The following SLC12A8 variants were observed in gnomAD, a reference collection of about 807,000 sequenced individuals.
SLC12A8 encodes cation-chloride cotransporter 9.
SLC12A8 carries 69 observed loss-of-function variants against 75.6 expected under a neutral mutation model. The observed-to-expected ratio is 0.91, with a 90% CI of 0.75 to 1.11. The LOEUF (loss-of-function observed/expected upper bound fraction) is 1.11. Among genes scored for constraint, SLC12A8 ranks in the 50% most tolerant of loss-of-function variants. SLC12A8 has a pLI of 0.00. For synonymous variants in SLC12A8, 365 were observed against 372.8 expected (o/e 0.98, Z 0.24); for missense variants, 877 against 896.7 (o/e 0.98, Z 0.28).
In SLC12A8 at chr3:125,118,824, A is replaced by G. The variant is rs1256689927; in HGVS notation, c.857T>C (p.Leu286Pro). The change falls in exon 8 of 14, where the codon CTG (leucine) becomes CCG (proline). Residue 286 changes from leucine (L) to proline (P), a missense_variant. Transcript: ENST00000469902. Reference sequence around the variant, plus strand: ...GGCCTCTCGAGTGCAGATGGCGCCCAGGAGGAAGACGAAGATGATGTACAG... The same window carrying G: ...GGCCTCTCGAGTGCAGATGGCGCCCGGGAGGAAGACGAAGATGATGTACAG... Reference protein sequence around the residue: ...WFLYIIFVFLLGAICTREALR... With the variant: ...WFLYIIFVFLPGAICTREALR... 2.4e-5 allele frequency: 39 copies of G among 1,613,744 alleles called. No individual in the cohort carries two copies. The highest frequency in any genetic ancestry group is 2.7e-5 in the Non-Finnish European group (32 of 1,179,868).
chr3:125,135,724 G>A lies in SLC12A8; in HGVS notation c.681C>T (p.Tyr227=). ...CAGTGAAAAAAGATTCCCCCGGGCT[G>A]TAATCGGGCAGCGTGTTGTTCTGTA... The part of the protein sequence containing the change: ...ELLQNNTLPD[Y]SPGESFFTVF... The change falls in exon 6 of 14, where the codon TAC becomes TAT. Residue 227 remains tyrosine, a synonymous_variant. Coordinates refer to ENST00000469902, the MANE Select transcript of SLC12A8 (RefSeq NM_024628.6). 3.1e-6 allele frequency: 5 copies of A among 1,610,756 alleles called. No individual in the cohort carries two copies. Among genetic ancestry groups the A allele is most frequent in the South Asian group, 1.1e-5 (1 of 90,418 alleles).
Position 125,211,378 on chromosome 3 carries a change from T to C in SLC12A8, c.-29A>G. ...CCAGCAAGCAGGGATCCTGGTGATCTGGACAGGGAGACTGCTCTGGAAGGT... is the reference window on the plus strand; with the variant it reads ...CCAGCAAGCAGGGATCCTGGTGATCCGGACAGGGAGACTGCTCTGGAAGGT... On this transcript the variant is annotated 5_prime_UTR_variant, in exon 2 of 14. Coordinates refer to ENST00000469902, the MANE Select transcript of SLC12A8 (RefSeq NM_024628.6). 6.2e-7 allele frequency: 1 copy of C among 1,604,046 alleles called. No individual in the cohort carries two copies. The highest frequency in any genetic ancestry group is 8.5e-7 in the Non-Finnish European group (1 of 1,171,258).
At position 125,203,885 on chromosome 3, in the gene SLC12A8, C is replaced by G. The variant is rs114329379; in HGVS notation, c.51+7414G>C. On this transcript the variant is annotated intron_variant, in intron 2 of 13. Coordinates refer to ENST00000469902, the MANE Select transcript of SLC12A8 (RefSeq NM_024628.6). ...CATACAAGGAACTCAAACAACTCAACAGCATAAAATGACTAATCCCATTAA... is the reference window on the plus strand; with the variant it reads ...CATACAAGGAACTCAAACAACTCAAGAGCATAAAATGACTAATCCCATTAA... Among the ~76,000 whole-genome samples, 1,130 of 152,230 alleles carry G rather than the reference C, an allele frequency of 7.4e-3. 14 individuals carry two copies. Among genetic ancestry groups the G allele is most frequent in the African/African-American group, 0.025 (1,053 of 41,546 alleles).
chr3:125,121,585 AT>A (rs1336000410), intron 6 of SLC12A8, among the ~76,000 whole-genome samples: 1 of 152,150 alleles, frequency 6.6e-6, no homozygotes, highest in African/African-American at 2.4e-5. Flanking sequence ...CTTTACATGC[AT>A]TTTTTTATCC....
intron 2 of SLC12A8, among the ~76,000 whole-genome samples, chr3:125,195,461 A>G (rs1166740645): frequency 6.6e-6 from 1 of 152,228 alleles, no homozygotes; most frequent in Middle Eastern, 3.2e-3. Flanking sequence ...GGATCTGGGC[A>G]GCACCCTTGG....
chr3:125,119,856 T>C (rs1933001836), intron 7 of SLC12A8: 2 of 456,744 alleles, frequency 4.4e-6, no homozygotes, highest in Non-Finnish European at 8.8e-6. Context: ...CTTTGCCTCT[T>C]CACACCTACC....
At chr3:125,156,832 C>A (rs1478662566) in intron 5 of SLC12A8, among the ~76,000 whole-genome samples, 1 of 152,224 alleles carries the variant, frequency 6.6e-6, no homozygotes, top group Non-Finnish European at 1.5e-5. Context: ...CCAGGCAGGG[C>A]TCCAAAGAGC....
chr3:125,174,377 C>G (rs1934475973), intron 5 of SLC12A8, among the ~76,000 whole-genome samples: 1 of 152,172 alleles, frequency 6.6e-6, no homozygotes, highest in African/African-American at 2.4e-5. Context: ...AACTCTCATT[C>G]ATTGTTGGTG....
At chr3:125,205,294 GA>G (rs1303615421) in intron 2 of SLC12A8, among the ~76,000 whole-genome samples, 1 of 152,206 alleles carries the variant, frequency 6.6e-6, no homozygotes, top group Non-Finnish European at 1.5e-5. Flanking sequence ...GTAAGTAACA[GA>G]AATCTTTCAG....
chr3:125,141,816 G>A (rs1332762476), intron 5 of SLC12A8, among the ~76,000 whole-genome samples: 1 of 152,004 alleles, frequency 6.6e-6, no homozygotes, highest in Non-Finnish European at 1.5e-5. Context: ...AATGGGAGAG[G>A]CTGGCGCAAC....
At chr3:125,165,212 G>A (rs562586316) in intron 5 of SLC12A8, among the ~76,000 whole-genome samples, 4 of 152,342 alleles carry the variant, frequency 2.6e-5, no homozygotes, top group African/African-American at 9.6e-5. Context: ...GAAGGAGAAC[G>A]TGAATGCCAG....
chr3:125,143,458 C>T (rs1933697097), intron 5 of SLC12A8, among the ~76,000 whole-genome samples: 1 of 152,254 alleles, frequency 6.6e-6, no homozygotes, highest in Non-Finnish European at 1.5e-5. Context: ...ACCACAGTCT[C>T]CTCTCTGGCT....
chr3:125,163,539 G>C (rs948315539), intron 5 of SLC12A8, among the ~76,000 whole-genome samples: 9 of 149,800 alleles, frequency 6.0e-5, no homozygotes, highest in African/African-American at 2.0e-4. Context: ...GCAGAGCTTG[G>C]AGTGAGCTGA....
At chr3:125,111,365 G>T (rs867151549) in intron 8 of SLC12A8, among the ~76,000 whole-genome samples, 11 of 152,198 alleles carry the variant, frequency 7.2e-5, no homozygotes, top group African/African-American at 2.7e-4. Context: ...GGCTAAAAGT[G>T]CTAAGGGGCT....
intron 2 of SLC12A8, chr3:125,206,727 T>C (rs1323079476): frequency 6.6e-6 from 1 of 152,230 alleles, no homozygotes; most frequent in African/African-American, 2.4e-5. Context: ...ACGGGAAGCA[T>C]AGCAGCTTCT....
intron 5 of SLC12A8, among the ~76,000 whole-genome samples, chr3:125,174,742 T>G (rs1451989628): frequency 6.6e-6 from 1 of 152,150 alleles, no homozygotes; most frequent in Non-Finnish European, 1.5e-5. Context: ...TACTGTATGG[T>G]TCCAACTATA....
chr3:125,091,292 AG>A (rs1452232527), intron 12 of SLC12A8, 146 bp downstream of exon 12: 10 of 610,818 alleles, frequency 1.6e-5, no homozygotes, highest in Admixed American at 2.8e-5. Context: ...TGCTTGTCAC[AG>A]TTCTCCTCCT....
In SLC12A8 at chr3:125,091,436, T is replaced by C. The variant is rs1938576286; in HGVS notation, c.1921+3A>G. Reference sequence around the variant, plus strand: ...CCAGTGGCAAAATGGCTCTGCTGCTTACCAAGGTGAAGCCCTGGACTGGCC... The same window carrying C: ...CCAGTGGCAAAATGGCTCTGCTGCTCACCAAGGTGAAGCCCTGGACTGGCC... On this transcript the variant is annotated splice_donor_region_variant and intron_variant, in intron 12 of 13. Transcript: ENST00000469902. The C allele has an allele frequency of 6.2e-7, 1 of 1,608,638 alleles. No homozygotes were observed. The highest frequency in any genetic ancestry group is 2.2e-5 in the East Asian group (1 of 44,872).
intron 13 of SLC12A8, among the ~76,000 whole-genome samples, chr3:125,087,576 C>T (rs556834850): frequency 7.9e-5 from 12 of 152,240 alleles, no homozygotes; most frequent in African/African-American, 2.4e-4. Context: ...CAAATGAACA[C>T]TCGGTTGGGT....
Sources: allele counts gnomAD v4.1 joint callset (sites outside exome capture counted in the v4.1 genomes callset), GRCh38; gene constraint gnomAD v4.1.1; transcripts MANE v1.5; gene names NCBI Gene and HGNC (gene_info 2026-07-23, HGNC 2026-07-21).